The following INSL6 variants were observed in gnomAD, a reference collection of about 807,000 sequenced individuals.
INSL6 encodes the protein insulin like 6, also known as insulin-like peptide INSL6.
Under a neutral mutation model 9.4 loss-of-function variants are expected in INSL6, and 16 were observed. The observed-to-expected ratio is 1.70, with a 90% CI of 1.15 to 2.59. The LOEUF (loss-of-function observed/expected upper bound fraction) is 2.59, where lower values mean the gene tolerates loss of function less well. Among genes scored for constraint, INSL6 ranks in the 30% most tolerant of loss-of-function variants. The pLI is 0.00. For missense variants in INSL6, 391 were observed against 257.3 expected, an observed-to-expected ratio of 1.52 and a Z score of -3.56; for synonymous variants, 154 against 96.9, an observed-to-expected ratio of 1.59 and a Z score of -3.46.
chr9:5,161,531 C>G (rs1329760310), downstream of INSL6, among the ~76,000 whole-genome samples: 1 of 152,172 alleles, frequency 6.6e-6, no homozygotes, highest in African/African-American at 2.4e-5. Flanking sequence ...TGGAACCTGA[C>G]AAGGTTGTCC....
chr9:5,046,015 G>A, the INSL6 span, among the ~76,000 whole-genome samples: 1 of 152,170 alleles, frequency 6.6e-6, no homozygotes, highest in Admixed American at 6.5e-5. Flanking sequence ...CAGTGCACAA[G>A]TGTTCCAATT....
intron 1 of INSL6, among the ~76,000 whole-genome samples, chr9:5,178,598 C>A (rs1825373383): frequency 6.6e-6 from 1 of 152,218 alleles, no homozygotes; most frequent in Non-Finnish European, 1.5e-5. Context: ...CACTACCCAA[C>A]TTCAAACTAT....
chr9:5,127,261 GTTAATCTATA>G (rs1292370517), intron 3 of INSL6: 1 of 232,196 alleles, frequency 4.3e-6, no homozygotes, highest in East Asian at 6.1e-5. Context: ...TTTTTCCATA[GTTAATCTATA>G]ATTAATTACT....
chr9:5,091,933 T>A, the INSL6 span, among the ~76,000 whole-genome samples: 1 of 151,938 alleles, frequency 6.6e-6, no homozygotes, highest in Non-Finnish European at 1.5e-5. Context: ...GTGGTATAGT[T>A]GTTTGGGGGG....
the INSL6 span, among the ~76,000 whole-genome samples, chr9:5,075,831 T>C: frequency 6.6e-6 from 1 of 152,214 alleles, no homozygotes; most frequent in Admixed American, 6.5e-5. Context: ...GTGATTCCTC[T>C]GGTGGATCTG....
At chr9:5,054,492 T>C in the INSL6 span, 13 of 1,335,420 alleles carry the variant, frequency 9.7e-6, no homozygotes, top group Non-Finnish European at 1.3e-5. The surrounding 1 kb of genome is among the most constrained non-coding windows in gnomAD (Gnocchi z 4.9). Flanking sequence ...GTAACTTCTT[T>C]TTCAATTTTT....
At chr9:5,179,061 C>A (rs987083059) in intron 1 of INSL6, among the ~76,000 whole-genome samples, 13 of 131,802 alleles carry the variant, frequency 9.9e-5, no homozygotes, top group Admixed American at 7.4e-4. Flanking sequence ...AAAAAAAAAT[C>A]ATGAGAGTGA....
chr9:5,103,970 G>T, the INSL6 span, among the ~76,000 whole-genome samples: 11 of 152,280 alleles, frequency 7.2e-5, no homozygotes, highest in East Asian at 2.1e-3. Flanking sequence ...AAGCAGGAAA[G>T]AGCTAAAATC....
the INSL6 span, chr9:5,091,127 T>C: frequency 2.6e-6 from 1 of 385,650 alleles, no homozygotes; most frequent in East Asian, 4.5e-5. Flanking sequence ...AGTGTTGTCT[T>C]ATTTATAGGG....
the INSL6 span, among the ~76,000 whole-genome samples, chr9:5,006,964 T>C: frequency 2.0e-5 from 3 of 152,232 alleles, no homozygotes; most frequent in Non-Finnish European, 2.9e-5. Context: ...TTGTAAGCTC[T>C]GGTAATAATG....
the INSL6 span, among the ~76,000 whole-genome samples, chr9:5,043,260 T>C: frequency 1.3e-5 from 2 of 151,706 alleles, no homozygotes; most frequent in East Asian, 3.9e-4. Flanking sequence ...TGTACGGAAA[T>C]GGCGTTTACG....
At chr9:5,138,588 G>C (rs761790351) in intron 2 of INSL6, among the ~76,000 whole-genome samples, 8 of 152,240 alleles carry the variant, frequency 5.3e-5, no homozygotes, top group Non-Finnish European at 8.8e-5. Context: ...TTGGGCAGTG[G>C]GGGGCTAGGG....
the INSL6 span, chr9:5,050,684 A>G: frequency 1.9e-6 from 3 of 1,610,276 alleles, no homozygotes; most frequent in East Asian, 2.2e-5. Context: ...TTTTGGTTTT[A>G]GTGGCGGCAT....
chr9:5,090,955 C>A, the INSL6 span: 27 of 1,300,150 alleles, frequency 2.1e-5, no homozygotes, highest in East Asian at 6.1e-4. Flanking sequence ...AGAGCACAGA[C>A]TTCAAACTTT....
the INSL6 span, among the ~76,000 whole-genome samples, chr9:5,025,776 C>T: frequency 6.6e-6 from 1 of 152,192 alleles, no homozygotes; most frequent in Non-Finnish European, 1.5e-5. Flanking sequence ...AGGTGATCCA[C>T]CTGCCTCGGC....
At chr9:5,109,137 T>C in the INSL6 span, 5 of 152,228 alleles carry the variant, frequency 3.3e-5, no homozygotes, top group East Asian at 9.7e-4. Flanking sequence ...AACCCTCTAC[T>C]CCCTACATGT....
the INSL6 span, among the ~76,000 whole-genome samples, chr9:5,007,816 C>T: frequency 6.6e-6 from 1 of 151,842 alleles, no homozygotes; most frequent in Non-Finnish European, 1.5e-5. Flanking sequence ...CAATCTCTGC[C>T]TCCCAGGTTC....
At chr9:5,118,559 C>T in the INSL6 span, among the ~76,000 whole-genome samples, 20 of 152,134 alleles carry the variant, frequency 1.3e-4, no homozygotes, top group Non-Finnish European at 2.5e-4. Flanking sequence ...AACAATCCCT[C>T]CCCTCCAATT....
At chr9:5,042,291 C>A in the INSL6 span, among the ~76,000 whole-genome samples, 1 of 151,730 alleles carries the variant, frequency 6.6e-6, no homozygotes, top group East Asian at 1.9e-4. Flanking sequence ...GCGCCCGCCA[C>A]CGCGCCCGGC....
Sources: gnomAD v4.1 joint callset for allele counts (sites outside exome capture counted in the v4.1 genomes callset) on GRCh38, gnomAD v4.1.1 for gene constraint, Gnocchi (gnomAD v3.1) non-coding constraint, MANE v1.5 for transcripts, NCBI Gene and HGNC (gene_info 2026-07-23, HGNC 2026-07-21) for gene names.